The following CSRNP3 variants were observed in gnomAD, a reference collection of about 807,000 sequenced individuals.
The protein encoded by CSRNP3 is cysteine and serine rich nuclear protein 3.
Under a neutral mutation model 48.0 loss-of-function variants are expected in CSRNP3, and 12 were observed. The observed-to-expected ratio is 0.25, with a 90% CI of 0.16 to 0.41. The LOEUF (loss-of-function observed/expected upper bound fraction) is 0.41, where lower values mean the gene tolerates loss of function less well. Ranked by LOEUF, CSRNP3 falls within the 10% of genes least tolerant of loss-of-function variation. CSRNP3 has a pLI of 1.00. For missense variants in CSRNP3, 580 were observed against 724.4 expected (o/e 0.80, Z 2.29); for synonymous variants, 263 against 269.7 (o/e 0.98, Z 0.24).
chr2:165,575,893 A>G (rs887986616), intron 3 of CSRNP3, among the ~76,000 whole-genome samples: 1 of 151,978 alleles, frequency 6.6e-6, no homozygotes, highest in Admixed American at 6.6e-5. Flanking sequence ...AAAAATTCAA[A>G]AACTGACATT....
intron 3 of CSRNP3, among the ~76,000 whole-genome samples, chr2:165,558,386 C>T (rs1468299875): frequency 1.3e-5 from 2 of 152,210 alleles, no homozygotes; most frequent in Non-Finnish European, 2.9e-5. Flanking sequence ...GAGCAGTCCA[C>T]ATGACCAGCT....
At chr2:165,502,420 A>T (rs1684369925) in intron 2 of CSRNP3, among the ~76,000 whole-genome samples, 1 of 151,974 alleles carries the variant, frequency 6.6e-6, no homozygotes, top group African/African-American at 2.4e-5. Flanking sequence ...ATTTGTATTT[A>T]TATGCTTTAT....
intron 4 of CSRNP3, among the ~76,000 whole-genome samples, chr2:165,649,894 T>C (rs1242908875): frequency 6.6e-6 from 1 of 152,176 alleles, no homozygotes; most frequent in Non-Finnish European, 1.5e-5. Flanking sequence ...TCCAAAACAT[T>C]GGGTAATTAA....
At chr2:165,611,382 T>TAC (rs1686134166) in intron 4 of CSRNP3, among the ~76,000 whole-genome samples, 1 of 152,026 alleles carries the variant, frequency 6.6e-6, no homozygotes, top group Non-Finnish European at 1.5e-5. Context: ...TGTGTGTGTA[T>TAC]ATACATACAT....
intron 4 of CSRNP3, among the ~76,000 whole-genome samples, chr2:165,601,382 A>G (rs1685911987): frequency 6.6e-6 from 1 of 152,240 alleles, no homozygotes; most frequent in Non-Finnish European, 1.5e-5. Flanking sequence ...AAATAAATGT[A>G]TAGTATTTAA....
chr2:165,659,270 G>A (rs967773728), intron 5 of CSRNP3, among the ~76,000 whole-genome samples: 1 of 152,118 alleles, frequency 6.6e-6, no homozygotes, highest in African/African-American at 2.4e-5. Flanking sequence ...ATGATGGTAG[G>A]GGAGTCGGAG....
chr2:165,672,380 A>G (rs1330163752), intron 5 of CSRNP3, among the ~76,000 whole-genome samples: 2 of 152,216 alleles, frequency 1.3e-5, no homozygotes, highest in Non-Finnish European at 2.9e-5. Context: ...CCTCACAATC[A>G]TGGCAGAAGA....
At chr2:165,492,141 A>C (rs1193945463) in intron 1 of CSRNP3, among the ~76,000 whole-genome samples, 6 of 152,080 alleles carry the variant, frequency 3.9e-5, no homozygotes, top group Non-Finnish European at 7.4e-5. Context: ...TTCTGATTGT[A>C]ACTGCTCATC....
intron 4 of CSRNP3, among the ~76,000 whole-genome samples, chr2:165,630,012 C>T (rs1686505263): frequency 6.6e-6 from 1 of 152,120 alleles, no homozygotes; most frequent in Admixed American, 6.5e-5. Context: ...TTCTTTTGTA[C>T]TCAGGTGAAT....
intron 5 of CSRNP3, among the ~76,000 whole-genome samples, chr2:165,667,927 AC>A (rs1687261931): frequency 6.6e-6 from 1 of 152,218 alleles, no homozygotes; most frequent in Non-Finnish European, 1.5e-5. Flanking sequence ...CATACCTAGT[AC>A]AGTGCTTGGC....
intron 2 of CSRNP3, among the ~76,000 whole-genome samples, chr2:165,503,086 CTATG>C (rs1684378895): frequency 6.6e-6 from 1 of 151,732 alleles, no homozygotes; most frequent in African/African-American, 2.4e-5. Context: ...TCTTCTAACT[CTATG>C]TTTGCTAGTG....
intron 4 of CSRNP3, among the ~76,000 whole-genome samples, chr2:165,622,567 C>T (rs896202003): frequency 9.9e-5 from 15 of 152,140 alleles, no homozygotes; most frequent in Non-Finnish European, 1.9e-4. Flanking sequence ...TTTGAGAACT[C>T]ATGATTCTTC....
In CSRNP3 at chr2:165,666,718, AAG is replaced by A. The variant is rs566573153; in HGVS notation, c.408+8705_408+8706del. On this transcript the variant is annotated intron_variant, in intron 5 of 6. Transcript: ENST00000651982. ...AAGAGAGAGAGAAAGGAAGGAAGGA[AAG>A]AGAGAGGAAAACAGAAAGAGAGAGG... Among the ~76,000 whole-genome samples, 97 of 136,570 alleles carry A rather than the reference AAG, an allele frequency of 7.1e-4. 1 individual carries two copies. Among genetic ancestry groups the A allele is most frequent in the African/African-American group, 2.3e-3 (85 of 36,298 alleles). 89.6% of individuals were successfully genotyped at this position (136,570 alleles called of 152,430 possible).
At chr2:165,628,617 C>A (rs55726139) in intron 4 of CSRNP3, among the ~76,000 whole-genome samples, 53,687 of 151,832 alleles carry the variant, frequency 0.35, 10,308 homozygotes, top group East Asian at 0.59. Context: ...CCAGCTACTC[C>A]GGAGGCTGAG....
intron 4 of CSRNP3, among the ~76,000 whole-genome samples, chr2:165,644,564 G>A (rs1447617778): frequency 6.6e-6 from 1 of 152,116 alleles, no homozygotes; most frequent in Non-Finnish European, 1.5e-5. Context: ...TATAGTCCTT[G>A]CAACCCAAGG....
intron 4 of CSRNP3, among the ~76,000 whole-genome samples, chr2:165,636,105 T>C (rs1160332049): frequency 6.6e-6 from 1 of 152,212 alleles, no homozygotes. Flanking sequence ...TGAATGCTAC[T>C]GTTTTAATAG....
In CSRNP3 at chr2:165,657,866, C is replaced by T; in HGVS notation, c.254C>T (p.Pro85Leu). 1 of 1,613,968 alleles carries T rather than the reference C, an allele frequency of 6.2e-7. No individual in the cohort carries two copies. The highest frequency in any genetic ancestry group is 8.5e-7 in the Non-Finnish European group (1 of 1,179,986). ...FTRRQGFTSV[P>L]SQGGSTLGMS... ...AGGAGGCAAGGCTTCACAAGTGTGC[C>T]CAGTCAAGGGGGAAGCACCCTGGGG... The change falls in exon 5 of 7, where the codon CCC becomes CTC. Residue 85 changes from proline to leucine, a missense_variant. Coordinates refer to ENST00000651982, the MANE Select transcript of CSRNP3 (RefSeq NM_001172173.2).
chr2:165,685,954 T>G lies in CSRNP3; in HGVS notation c.*6201T>G, dbSNP rs1687624077. 6.6e-6 allele frequency: 1 copy of G among 152,114 alleles called. No homozygotes were observed. Among genetic ancestry groups the G allele is most frequent in the Non-Finnish European group, 1.5e-5 (1 of 67,990 alleles). 9.4% of individuals were successfully genotyped at this position (152,114 alleles called of 1,614,324 possible). ...TATTTTTAAGATAATGTATATTGATTAGAAAGGGTTAGAAGGAGACAAATT... is the reference window on the plus strand; with the variant it reads ...TATTTTTAAGATAATGTATATTGATGAGAAAGGGTTAGAAGGAGACAAATT... On this transcript the variant is annotated 3_prime_UTR_variant, in exon 7 of 7. Transcript: ENST00000651982.
intron 5 of CSRNP3, among the ~76,000 whole-genome samples, chr2:165,666,382 AG>A (rs1687202751): frequency 4.8e-5 from 1 of 20,816 alleles, no homozygotes; most frequent in African/African-American, 8.6e-5. Context: ...AGGAAGAAAG[AG>A]AGAGAGAGAA....
Sources: gnomAD v4.1 joint callset for allele counts (sites outside exome capture counted in the v4.1 genomes callset) on GRCh38, gnomAD v4.1.1 for gene constraint, MANE v1.5 for transcripts, NCBI Gene and HGNC (gene_info 2026-07-23, HGNC 2026-07-21) for gene names.